The following DLGAP2 variants were observed in gnomAD, a reference collection of about 807,000 sequenced individuals.
The protein encoded by DLGAP2 is DLG associated protein 2, also known as disks large-associated protein 2.
In DLGAP2, 26 loss-of-function variants were observed where a neutral mutation model predicts 100.3. That is an observed-to-expected ratio of 0.26 (90% CI 0.19 to 0.36). DLGAP2 has a LOEUF of 0.36. Among genes scored for constraint, DLGAP2 ranks in the 10% least tolerant of loss-of-function variants. DLGAP2 has a pLI of 1.00. For synonymous variants in DLGAP2, 886 were observed against 630.1 expected, an observed-to-expected ratio of 1.41 and a Z score of -6.08; for missense variants, 1,858 against 1,453.2, an observed-to-expected ratio of 1.28 and a Z score of -4.53.
chr8:1,264,757 T>C (rs890583482), intron 3 of DLGAP2, among the ~76,000 whole-genome samples: 29 of 152,150 alleles, frequency 1.9e-4, no homozygotes, highest in African/African-American at 6.8e-4. Context: ...GGAAGTGATA[T>C]GGTTTTGCTG....
chr8:1,079,039 G>T (rs781565393), intron 2 of DLGAP2, among the ~76,000 whole-genome samples: 1 of 152,214 alleles, frequency 6.6e-6, no homozygotes, highest in Non-Finnish European at 1.5e-5. Context: ...GAGAGTTCCT[G>T]TTGCTCCATG....
At chr8:822,050 T>G (rs1049818199) in intron 1 of DLGAP2, 2 of 398,752 alleles carry the variant, frequency 5.0e-6, no homozygotes, top group Non-Finnish European at 8.9e-6. Context: ...TTATTTACCC[T>G]TTTTATCACA....
intron 6 of DLGAP2, chr8:1,622,211 A>G (rs1180241233): frequency 1.3e-5 from 2 of 152,342 alleles, no homozygotes; most frequent in African/African-American, 4.8e-5. Context: ...TGGAAGAAAC[A>G]CTTCTTATAT....
rs78895387 is a variant in DLGAP2, at chr8:1,317,760, A to C, written c.106+58877A>C. Among the ~76,000 whole-genome samples the C allele has an allele frequency of 2.8e-3, 255 of 91,838 alleles. 5 individuals are homozygous for C. Among genetic ancestry groups the C allele is most frequent in the African/African-American group, 0.013 (235 of 18,732 alleles). The allele number at this position is 91,838 out of a possible 152,430, so 60.2% of individuals were successfully genotyped here. Reference sequence around the variant, plus strand: ...GCGTGTGTGAGTGCAGCGTCTCTCCAACAGTGGTCTACACTCGAGACACTC... The same window carrying C: ...GCGTGTGTGAGTGCAGCGTCTCTCCCACAGTGGTCTACACTCGAGACACTC... On this transcript the variant is annotated intron_variant, in intron 3 of 14. Transcript: ENST00000637795.
chr8:1,304,366 G>A (rs530343333), intron 3 of DLGAP2, among the ~76,000 whole-genome samples: 1 of 152,308 alleles, frequency 6.6e-6, no homozygotes, highest in Admixed American at 6.5e-5. Context: ...TGAACCTGGT[G>A]GAACGAGGAG....
At position 993,450 on chromosome 8, in the gene DLGAP2, G is replaced by C. The variant is rs769893809; in HGVS notation, c.73+85484G>C. Reference sequence around the variant, plus strand: ...CTCTCCCACCTTGCCCAGACCCCCTGCACCCCCATACTCGGAGTTCCTGTT... The same window carrying C: ...CTCTCCCACCTTGCCCAGACCCCCTCCACCCCCATACTCGGAGTTCCTGTT... On this transcript the variant is annotated intron_variant, in intron 2 of 14. Transcript: ENST00000637795. Among the ~76,000 whole-genome samples, 24 of 20,130 alleles carry C rather than the reference G, an allele frequency of 1.2e-3. 4 individuals are homozygous for C. The highest frequency in any genetic ancestry group is 6.6e-3 in the East Asian group (7 of 1,068). The allele number at this position is 20,130 out of a possible 152,430, so 13.2% of individuals were successfully genotyped here.
chr8:996,145 C>T (rs1210104696), intron 2 of DLGAP2, among the ~76,000 whole-genome samples: 1 of 152,162 alleles, frequency 6.6e-6, no homozygotes, highest in South Asian at 2.1e-4. Flanking sequence ...CCCCTCTGTT[C>T]CTCTCCACTC....
chr8:1,067,829 C>T (rs941371819), intron 2 of DLGAP2, among the ~76,000 whole-genome samples: 12 of 151,882 alleles, frequency 7.9e-5, no homozygotes, highest in African/African-American at 2.9e-4. Flanking sequence ...GTCCGTGGTT[C>T]ACCTCGGCTC....
chr8:1,377,267 G>A lies in DLGAP2; in HGVS notation c.106+118384G>A, dbSNP rs535262789. Among the ~76,000 whole-genome samples the A allele has an allele frequency of 1.8e-4, 27 of 152,308 alleles. 1 individual carries two copies. Among genetic ancestry groups the A allele is most frequent in the South Asian group, 1.4e-3 (7 of 4,828 alleles). ...CTGCTTAATGCACAGGTCTTCGGCC[G>A]AGCGCAGTGGCTCACGCCTGTAATC... On this transcript the variant is annotated intron_variant, in intron 3 of 14. Transcript: ENST00000637795.
intron 1 of DLGAP2, among the ~76,000 whole-genome samples, chr8:879,518 G>A (rs199540877): frequency 1.3e-5 from 2 of 152,156 alleles, no homozygotes; most frequent in East Asian, 3.9e-4. Flanking sequence ...TTAGGTTAGA[G>A]TCATTACCAT....
Position 1,013,670 on chromosome 8 carries a change from T to TGC in DLGAP2, c.73+105705_73+105706insCG, listed in dbSNP as rs1192695290. 1.6e-4 allele frequency among the ~76,000 whole-genome samples: 17 copies of TGC among 104,658 alleles called. 1 individual carries two copies. The highest frequency in any genetic ancestry group is 9.1e-4 in the African/African-American group (17 of 18,726). 68.7% of individuals were successfully genotyped at this position (104,658 alleles called of 152,430 possible). On this transcript the variant is annotated intron_variant, in intron 2 of 14. Transcript: ENST00000637795. The stretch of plus-strand genomic sequence containing the variant: ...GTGTGACCAGGACAGACGCCTCCAC[T>TGC]GTGTGAGACCAGGACAGACGATGCC...
At chr8:857,115 G>A (rs758146999) in intron 1 of DLGAP2, among the ~76,000 whole-genome samples, 1 of 152,240 alleles carries the variant, frequency 6.6e-6, no homozygotes, top group Non-Finnish European at 1.5e-5. Context: ...GCCATTCAAT[G>A]GAGAGAGGAT....
At chr8:1,307,736 A>T (rs1448375323) in intron 3 of DLGAP2, among the ~76,000 whole-genome samples, 2 of 152,220 alleles carry the variant, frequency 1.3e-5, no homozygotes, top group Non-Finnish European at 2.9e-5. Context: ...TGAACCCTGA[A>T]GACATTCCAC....
chr8:1,344,002 T>C (rs1801482081), intron 3 of DLGAP2, among the ~76,000 whole-genome samples: 1 of 152,208 alleles, frequency 6.6e-6, no homozygotes, highest in South Asian at 2.1e-4. Flanking sequence ...TTTACCAACG[T>C]CCTATTCACA....
intron 2 of DLGAP2, among the ~76,000 whole-genome samples, chr8:1,167,410 G>T (rs1012483544): frequency 3.3e-5 from 5 of 152,130 alleles, no homozygotes; most frequent in African/African-American, 1.2e-4. Context: ...GGTGAGGCTG[G>T]CAGGGCAGAG....
chr8:1,459,728 C>G (rs375899288), intron 3 of DLGAP2, among the ~76,000 whole-genome samples: 1 of 148,328 alleles, frequency 6.7e-6, no homozygotes, highest in African/African-American at 2.5e-5. Context: ...TTCTGTCACC[C>G]ATGCTGGAGT....
Position 1,604,905 on chromosome 8 carries a change from G to C in DLGAP2, c.1443-21835G>C, listed in dbSNP as rs58068411. On this transcript the variant is annotated intron_variant, in intron 6 of 14. Transcript: ENST00000637795. Reference sequence around the variant, plus strand: ...CTGTGATAGGCCAGCCGTTAGAATCGCTGAGCTTAGCATCTACCAGGAGCT... The same window carrying C: ...CTGTGATAGGCCAGCCGTTAGAATCCCTGAGCTTAGCATCTACCAGGAGCT... Among the ~76,000 whole-genome samples the C allele has an allele frequency of 9.2e-3, 1,397 of 152,282 alleles. 24 individuals are homozygous for C. The highest frequency in any genetic ancestry group is 0.032 in the African/African-American group (1,326 of 41,556).
At chr8:910,995 C>T (rs560481228) in intron 2 of DLGAP2, among the ~76,000 whole-genome samples, 1 of 152,154 alleles carries the variant, frequency 6.6e-6, no homozygotes, top group Non-Finnish European at 1.5e-5. Context: ...TAAAATAGTC[C>T]CAGACGCCTG....
intron 1 of DLGAP2, chr8:739,527 C>T (rs1255465850): frequency 6.6e-6 from 1 of 152,260 alleles, no homozygotes; most frequent in Non-Finnish European, 1.5e-5. Context: ...GCACCTTACA[C>T]CATTTTCATT....
Sources: allele counts gnomAD v4.1 joint callset (sites outside exome capture counted in the v4.1 genomes callset), GRCh38; gene constraint gnomAD v4.1.1; transcripts MANE v1.5; gene names NCBI Gene and HGNC (gene_info 2026-07-23, HGNC 2026-07-21).